Variants in CDKN2B-AS1 observed in about 807,000 individuals in gnomAD.
CDKN2B-AS1 encodes CDKN2B antisense RNA 1 (non-protein coding).
chr9:22,109,746 A>T (rs1357460643), intron 4 of CDKN2B-AS1, among the ~76,000 whole-genome samples: 3 of 152,172 alleles, frequency 2.0e-5, no homozygotes, highest in African/African-American at 7.2e-5. Context: ...GAGATCATTC[A>T]AAAGTATTAC....
chr9:22,008,809 G>A, intron 1 of CDKN2B-AS1: 2 of 1,604,912 alleles, frequency 1.2e-6, no homozygotes, highest in Non-Finnish European at 1.7e-6. Context: ...TGGATCGCGC[G>A]CCTCCCGAAA....
intron 4 of CDKN2B-AS1, chr9:22,119,949 C>A (rs1826056583): frequency 6.6e-6 from 1 of 152,178 alleles, no homozygotes; most frequent in Admixed American, 6.5e-5. Context: ...TTAGCATGAA[C>A]TTGAGCTTGG....
chr9:22,037,511 G>A (rs1282886815), intron 1 of CDKN2B-AS1, among the ~76,000 whole-genome samples: 1 of 151,904 alleles, frequency 6.6e-6, no homozygotes, highest in Non-Finnish European at 1.5e-5. Context: ...ACATGTCATT[G>A]TTCTTTTTAC....
intron 4 of CDKN2B-AS1, among the ~76,000 whole-genome samples, chr9:22,071,284 G>GGTTTTTTTTTT (rs1563962583): frequency 1.3e-5 from 1 of 77,480 alleles, no homozygotes; most frequent in African/African-American, 6.0e-5. Context: ...GAAATATCTA[G>GGTTTTTTTTTT]CTTTTTTTTT....
intron 4 of CDKN2B-AS1, among the ~76,000 whole-genome samples, chr9:22,057,410 A>G (rs1378374633): frequency 6.6e-6 from 1 of 152,220 alleles, no homozygotes; most frequent in South Asian, 2.1e-4. Flanking sequence ...AATCAAAATT[A>G]ATTAAATATT....
intron 4 of CDKN2B-AS1, among the ~76,000 whole-genome samples, chr9:22,066,563 AG>A (rs894394715): frequency 1.1e-4 from 16 of 152,030 alleles, no homozygotes; most frequent in Non-Finnish European, 2.9e-5. Context: ...AGAATTTCTA[AG>A]ACCCAATGGT....
intron 4 of CDKN2B-AS1, chr9:22,064,027 G>T (rs1415150755): frequency 6.6e-6 from 1 of 152,184 alleles, no homozygotes; most frequent in African/African-American, 2.4e-5. Flanking sequence ...AGGTACACAG[G>T]ATGTATCCCT....
intron 3 of CDKN2B-AS1, among the ~76,000 whole-genome samples, chr9:22,055,237 A>G (rs1261103668): frequency 6.6e-6 from 1 of 152,208 alleles, no homozygotes; most frequent in Non-Finnish European, 1.5e-5. Flanking sequence ...AAACTAAGAT[A>G]TCTGTCATCT....
At chr9:22,127,147 T>A (rs1818033137) in exon 5 of CDKN2B-AS1, among the ~76,000 whole-genome samples, 1 of 152,134 alleles carries the variant, frequency 6.6e-6, no homozygotes, top group Non-Finnish European at 1.5e-5. Context: ...AGTGGCGTGA[T>A]CTCGGCTCAC....
intron 3 of CDKN2B-AS1, among the ~76,000 whole-genome samples, chr9:22,051,230 C>T (rs569770739): frequency 1.3e-5 from 2 of 152,298 alleles, no homozygotes; most frequent in East Asian, 3.9e-4. Flanking sequence ...CTGCTACCTG[C>T]TTATCGTCCA....
intron 4 of CDKN2B-AS1, among the ~76,000 whole-genome samples, chr9:22,071,105 G>T (rs1352890472): frequency 6.6e-6 from 1 of 151,226 alleles, no homozygotes; most frequent in African/African-American, 2.4e-5. Flanking sequence ...TGAATTATTT[G>T]CTTAAGTCAG....
chr9:22,044,011 C>T (rs571992034), intron 1 of CDKN2B-AS1, among the ~76,000 whole-genome samples: 25 of 151,924 alleles, frequency 1.6e-4, no homozygotes, highest in Admixed American at 1.1e-3. Context: ...GAGGACTTTA[C>T]GTATGTCATT....
chr9:22,029,428 T>C (rs1194499469), intron 1 of CDKN2B-AS1: 1 of 779,454 alleles, frequency 1.3e-6, no homozygotes, highest in Non-Finnish European at 2.4e-6. Context: ...TTGGATGTTT[T>C]GCAGGACTAT....
intron 1 of CDKN2B-AS1, among the ~76,000 whole-genome samples, chr9:22,020,793 T>C (rs1237828446): frequency 3.9e-5 from 6 of 152,226 alleles, no homozygotes; most frequent in Admixed American, 1.3e-4. Flanking sequence ...GTCAGATGCA[T>C]AGTTTAAAGA....
At chr9:22,084,869 C>G (rs1159128377) in intron 4 of CDKN2B-AS1, among the ~76,000 whole-genome samples, 1 of 152,144 alleles carries the variant, frequency 6.6e-6, no homozygotes, top group Admixed American at 6.5e-5. Context: ...TTCTTTTCCA[C>G]AAGCTGAGTC....
At chr9:22,010,033 T>A (rs374118909) in intron 1 of CDKN2B-AS1, among the ~76,000 whole-genome samples, 1 of 152,234 alleles carries the variant, frequency 6.6e-6, no homozygotes, top group Non-Finnish European at 1.5e-5. Flanking sequence ...AGTTTCATCA[T>A]ATTTGTACAG....
chr9:22,058,939 C>T (rs1160702921), intron 4 of CDKN2B-AS1: 2 of 179,164 alleles, frequency 1.1e-5, no homozygotes, highest in South Asian at 1.5e-4. Flanking sequence ...CCCATCAGAT[C>T]TTATGAGACT....
At chr9:22,093,033 T>C (rs1402537667) in intron 4 of CDKN2B-AS1, among the ~76,000 whole-genome samples, 1 of 152,212 alleles carries the variant, frequency 6.6e-6, no homozygotes, top group African/African-American at 2.4e-5. Context: ...GTCTTTGTTG[T>C]CTTTGGTTTC....
At position 22,045,038 on chromosome 9, in the gene CDKN2B-AS1, T is replaced by TTGTGTGTGTGTGTGTGTG. The variant is rs3028395; in HGVS notation, n.30-1697_30-1680dup. Among the ~76,000 whole-genome samples, 738 of 141,918 alleles carry TTGTGTGTGTGTGTGTGTG rather than the reference T, an allele frequency of 5.2e-3. 10 individuals carry two copies. Among genetic ancestry groups the TTGTGTGTGTGTGTGTGTG allele is most frequent in the African/African-American group, 0.018 (661 of 36,542 alleles). The allele number at this position is 141,918 out of a possible 152,430, so 93.1% of individuals were successfully genotyped here. A position where few individuals can be genotyped will look rare whatever the true frequency, so the allele number is the denominator to read the frequency against. The stretch of plus-strand genomic sequence containing the variant: ...TTTCTTTTGGAAAAATATTATTTAT[T>TTGTGTGTGTGTGTGTGTG]TGTGTGTGTGTGTGTGTGTGTGTGT... On this transcript the variant is annotated intron_variant and non_coding_transcript_variant, in intron 1 of 4. Transcript: ENST00000650946.
Sources: allele counts gnomAD v4.1 joint callset (sites outside exome capture counted in the v4.1 genomes callset), GRCh38; gene constraint gnomAD v4.1.1; transcripts MANE v1.5; gene names NCBI Gene and HGNC (gene_info 2026-07-23, HGNC 2026-07-21).